Variants in ZCCHC7 observed in about 807,000 individuals in gnomAD.
ZCCHC7 encodes the protein zinc finger CCHC domain-containing protein 7.
ZCCHC7 carries 35 observed loss-of-function variants against 52.0 expected under a neutral mutation model. The ratio of observed to expected loss-of-function variants is 0.67; its 90% CI spans 0.51 to 0.89. ZCCHC7 has a LOEUF of 0.89. Ranked by LOEUF, ZCCHC7 falls within the 40% of genes least tolerant of loss-of-function variation. The probability of loss-of-function intolerance (pLI) is 0.00; values close to 1 mark genes in which losing one functional copy is unlikely to be tolerated. For synonymous variants in ZCCHC7, 217 were observed against 221.5 expected, an observed-to-expected ratio of 0.98 and a Z score of 0.18; for missense variants, 574 against 649.1, an observed-to-expected ratio of 0.88 and a Z score of 1.26.
intron 6 of ZCCHC7, among the ~76,000 whole-genome samples, chr9:37,336,953 CTG>C: frequency 6.6e-6 from 1 of 152,226 alleles, no homozygotes; most frequent in Admixed American, 6.5e-5. Flanking sequence ...GTAAGATACC[CTG>C]TCACCGATCC....
intron 2 of ZCCHC7, among the ~76,000 whole-genome samples, chr9:37,134,032 C>CTA (rs750077481): frequency 1.2e-4 from 18 of 151,522 alleles, no homozygotes; most frequent in Admixed American, 3.9e-4. Flanking sequence ...CTGAAACGTA[C>CTA]TATATATATA....
At chr9:37,277,340 A>G (rs998914936) in intron 2 of ZCCHC7, among the ~76,000 whole-genome samples, 1 of 152,158 alleles carries the variant, frequency 6.6e-6, no homozygotes. Flanking sequence ...GCACACTTTA[A>G]TGCTTCAAAA....
chr9:37,343,547 A>G (rs1350631056), intron 6 of ZCCHC7, among the ~76,000 whole-genome samples: 1 of 152,244 alleles, frequency 6.6e-6, no homozygotes, highest in Non-Finnish European at 1.5e-5. Flanking sequence ...ACTAAGGGAT[A>G]AATCATGAGA....
chr9:37,340,895 CTAAT>C (rs1441412486), intron 6 of ZCCHC7, among the ~76,000 whole-genome samples: 4 of 152,060 alleles, frequency 2.6e-5, no homozygotes, highest in Non-Finnish European at 2.9e-5. Context: ...ATGTCATTTA[CTAAT>C]TAATTATTGT....
intron 2 of ZCCHC7, among the ~76,000 whole-genome samples, chr9:37,175,033 G>A (rs528107346): frequency 9.2e-5 from 14 of 152,098 alleles, no homozygotes; most frequent in African/African-American, 3.4e-4. Context: ...GCTACCAGAA[G>A]GCTGAGGCAC....
chr9:37,188,330 T>G (rs1822777330), intron 2 of ZCCHC7, among the ~76,000 whole-genome samples: 1 of 151,794 alleles, frequency 6.6e-6, no homozygotes, highest in Non-Finnish European at 1.5e-5. Context: ...TTTATCTTAT[T>G]TTTTATAGTG....
intron 2 of ZCCHC7, among the ~76,000 whole-genome samples, chr9:37,234,165 G>A (rs1329359275): frequency 1.3e-5 from 2 of 152,144 alleles, no homozygotes; most frequent in African/African-American, 2.4e-5. Flanking sequence ...CACCACGCCC[G>A]GCCAGGATAG....
intron 2 of ZCCHC7, among the ~76,000 whole-genome samples, chr9:37,229,419 C>A (rs541934664): frequency 6.6e-6 from 1 of 152,208 alleles, no homozygotes; most frequent in African/African-American, 2.4e-5. Context: ...ATACTTAAAT[C>A]TAGATGGCAT....
chr9:37,224,893 G>A (rs934150047), intron 2 of ZCCHC7, among the ~76,000 whole-genome samples: 2 of 151,972 alleles, frequency 1.3e-5, no homozygotes, highest in Non-Finnish European at 2.9e-5. Context: ...CAGGTGTAGC[G>A]ATCCGTGGAG....
At chr9:37,239,760 A>C (rs623871) in intron 2 of ZCCHC7, among the ~76,000 whole-genome samples, 87,716 of 151,830 alleles carry the variant, frequency 0.58, 25,976 homozygotes, top group African/African-American at 0.71. Context: ...CATCATATAA[A>C]CCTGATGTCC....
Position 37,126,445 on chromosome 9 carries a change from A to G in ZCCHC7, c.113A>G (p.Gln38Arg), listed in dbSNP as rs1842541233. 1 of 1,613,928 alleles carries G rather than the reference A, an allele frequency of 6.2e-7. No homozygotes were observed. The highest frequency in any genetic ancestry group is 8.5e-7 in the Non-Finnish European group (1 of 1,180,038). Reference protein sequence around the residue: ...DSEVEFQLYSQIHYAQDLDDV... With the variant: ...DSEVEFQLYSRIHYAQDLDDV... Reference sequence around the variant, plus strand: ...GAGGTGGAATTTCAACTCTATAGCCAAATTCATTATGCCCAAGATCTTGAT... The same window carrying G: ...GAGGTGGAATTTCAACTCTATAGCCGAATTCATTATGCCCAAGATCTTGAT... The change falls in exon 2 of 9, where the codon CAA becomes CGA. Residue 38 changes from glutamine to arginine, a missense_variant. By Grantham distance (43) the Gln-to-Arg change is conservative. Around this residue, in one of 3 missense-constraint regions of ZCCHC7, gnomAD observed 403 missense variants for 461.2 expected, o/e 0.87. Coordinates refer to ENST00000336755, the MANE Select transcript of ZCCHC7 (RefSeq NM_032226.3).
chr9:37,259,722 A>ATTT (rs1826772439), intron 2 of ZCCHC7, among the ~76,000 whole-genome samples: 1 of 151,836 alleles, frequency 6.6e-6, no homozygotes, highest in African/African-American at 2.4e-5. Flanking sequence ...GGGGTATTTA[A>ATTT]ATATTCTTTC....
At chr9:37,207,803 A>G (rs747049308) in intron 2 of ZCCHC7, among the ~76,000 whole-genome samples, 3 of 152,080 alleles carry the variant, frequency 2.0e-5, no homozygotes, top group Non-Finnish European at 4.4e-5. Flanking sequence ...TAAATTTTCC[A>G]TTGCTTTAAA....
intron 2 of ZCCHC7, among the ~76,000 whole-genome samples, chr9:37,212,401 A>G (rs549683023): frequency 1.3e-5 from 2 of 152,190 alleles, no homozygotes; most frequent in Admixed American, 6.5e-5. Context: ...CTTTAAAAAA[A>G]TTTTTGGAGT....
At chr9:37,262,959 A>G (rs1369389653) in intron 2 of ZCCHC7, among the ~76,000 whole-genome samples, 1 of 152,210 alleles carries the variant, frequency 6.6e-6, no homozygotes, top group Non-Finnish European at 1.5e-5. Flanking sequence ...AGAGATTTTC[A>G]GAACTGTCTT....
chr9:37,254,512 C>T (rs1015463005), intron 2 of ZCCHC7, among the ~76,000 whole-genome samples: 1 of 151,682 alleles, frequency 6.6e-6, no homozygotes, highest in Non-Finnish European at 1.5e-5. Flanking sequence ...TAGAGAGCTC[C>T]AAGTGATAAA....
chr9:37,285,614 TTATC>T (rs1828170852), intron 2 of ZCCHC7, among the ~76,000 whole-genome samples: 1 of 152,196 alleles, frequency 6.6e-6, no homozygotes, highest in African/African-American at 2.4e-5. Flanking sequence ...AAATTTATAT[TTATC>T]CTGCTAGTTG....
At chr9:37,217,610 A>G (rs929702276) in intron 2 of ZCCHC7, among the ~76,000 whole-genome samples, 9 of 152,178 alleles carry the variant, frequency 5.9e-5, no homozygotes. Flanking sequence ...CCGTGTGATT[A>G]TTGTTAGAAT....
rs774628126 is a variant in ZCCHC7 at position 37,228,049 on chromosome 9, G to A, written c.611-74139G>A. Among the ~76,000 whole-genome samples, 5 of 152,046 alleles carry A rather than the reference G, an allele frequency of 3.3e-5. No individual in the cohort carries two copies. The East Asian group carries it at 5.8e-4, about 18-fold the overall frequency. On this transcript the variant is annotated intron_variant, in intron 2 of 8. Transcript: ENST00000336755. ...TGGCCTCAAGTGATCCACCTGCGTC[G>A]GACTCTCAAAGTGCTGGGATTACAG... is the stretch of plus-strand genomic sequence containing the variant.
Sources: gnomAD v4.1 joint callset for allele counts (sites outside exome capture counted in the v4.1 genomes callset) on GRCh38, gnomAD v4.1.1 for gene constraint, gnomAD v4.1.1 regional missense constraint, MANE v1.5 for transcripts, NCBI Gene and HGNC (gene_info 2026-07-23, HGNC 2026-07-21) for gene names.